The following PLAT variants were observed in gnomAD, a reference collection of about 807,000 sequenced individuals.
PLAT encodes tissue-type plasminogen activator.
A neutral mutation model predicts 74.9 loss-of-function variants in PLAT; 48 were observed. The observed-to-expected ratio is 0.64, with a 90% CI of 0.51 to 0.82. The LOEUF (loss-of-function observed/expected upper bound fraction) is 0.82. PLAT is among the 40% of genes least tolerant of loss of function. The pLI is 0.00. For synonymous variants in PLAT, 307 were observed against 294.4 expected (o/e 1.04, Z -0.44); for missense variants, 673 against 736.2 (o/e 0.91, Z 0.99).
chr8:42,199,084 A>G (rs1806029046), intron 1 of PLAT, among the ~76,000 whole-genome samples: 1 of 152,242 alleles, frequency 6.6e-6, no homozygotes. Context: ...GGTAGCTCTC[A>G]TCCCACTTCT....
intron 13 of PLAT, 120 bp from the exon 14 acceptor site, chr8:42,176,271 A>C: frequency 3.0e-6 from 2 of 664,920 alleles, no homozygotes; most frequent in Non-Finnish European, 5.1e-6. Flanking sequence ...ATAATATTCC[A>C]TTCAGTGTCA....
chr8:42,178,906 G>A lies in PLAT; in HGVS notation c.1521C>T (p.Asp507=), dbSNP rs746292560. ...RSGGPQANLH[D]ACQGDSGGPL... is the part of the protein sequence containing the mutation. ...CGCCACTCCTGGTTACCTGGCAGGC[G>A]TCGTGCAAGTTTGCCTGGGGCCCGC... Residue 507 remains aspartate, a synonymous_variant, in exon 13 of 14, where the codon GAC becomes GAT. Transcript: ENST00000220809. 28 of 1,613,104 alleles carry A rather than the reference G, an allele frequency of 1.7e-5. No individual in the cohort carries two copies. Among genetic ancestry groups the A allele is most frequent in the Non-Finnish European group, 2.1e-5 (25 of 1,179,940 alleles).
intron 4 of PLAT, among the ~76,000 whole-genome samples, chr8:42,188,652 G>T (rs1358598307): frequency 1.3e-5 from 2 of 152,154 alleles, no homozygotes; most frequent in Non-Finnish European, 2.9e-5. Flanking sequence ...TTGTTTTAGA[G>T]GTGAGGGCTT....
Position 42,185,096 on chromosome 8 carries a change from G to A in PLAT, c.616C>T (p.Pro206Ser). 8.7e-6 allele frequency: 14 copies of A among 1,608,504 alleles called. No individual in the cohort carries two copies. The highest frequency in any genetic ancestry group is 1.2e-5 in the Non-Finnish European group (14 of 1,177,258). Residue 206 changes from proline to serine, a missense_variant, in exon 7 of 14, where the codon CCT becomes TCT. Physicochemically the swap from Pro to Ser is moderately conservative, Grantham distance 74. Transcript: ENST00000220809. ...GKYSSEFCST[P>S]ACSEGNSDCY... is the part of the protein sequence containing the mutation. ...TGCCACTTACCCTCAGAGCAGGCAGGGGTGCTGCAGAACTCTGAGCTGTAC... is the reference window on the plus strand; with the variant it reads ...TGCCACTTACCCTCAGAGCAGGCAGAGGTGCTGCAGAACTCTGAGCTGTAC...
chr8:42,174,890 ACACCTGTCCACAGTCCACGT>A lies in PLAT; in HGVS notation c.*1083_*1102del, dbSNP rs1345758651. Among the ~76,000 whole-genome samples, 2 of 151,720 alleles carry A rather than the reference ACACCTGTCCACAGTCCACGT, an allele frequency of 1.3e-5. No individual in the cohort carries two copies. The highest frequency in any genetic ancestry group is 2.9e-5 in the Non-Finnish European group (2 of 67,946). Reference sequence around the variant, plus strand: ...TACCTCCATGGAGAGTGCCTTTTCCACACCTGTCCACAGTCCACGTCTCACCCAGTTATTTTTTCCTTAAG... The same window carrying A: ...TACCTCCATGGAGAGTGCCTTTTCCACTCACCCAGTTATTTTTTCCTTAAG... On this transcript the variant is annotated 3_prime_UTR_variant, in exon 14 of 14. Coordinates refer to ENST00000220809, the MANE Select transcript of PLAT (RefSeq NM_000930.5).
At position 42,185,146 on chromosome 8, in the gene PLAT, C is replaced by G; in HGVS notation, c.566G>C (p.Trp189Ser). The G allele has an allele frequency of 6.2e-7, 1 of 1,612,414 alleles. No individual in the cohort carries two copies. Among genetic ancestry groups the G allele is most frequent in the Non-Finnish European group, 8.5e-7 (1 of 1,179,254 alleles). The part of the protein sequence containing the change: ...CRNPDRDSKP[W>S]CYVFKAGKYS... ...CTTCCCCGCCTTAAAGACGTAGCAC[C>G]AGGGCTTTGAGTCTCGATCTGGGTT... Residue 189 changes from tryptophan (W) to serine (S), a missense_variant, in exon 7 of 14, where the codon TGG (tryptophan) becomes TCG (serine). Physicochemically the swap from Trp to Ser is radical, Grantham distance 177 (BLOSUM62 -3). Transcript: ENST00000220809.
At chr8:42,178,549 C>T (rs1038877768) in intron 13 of PLAT, among the ~76,000 whole-genome samples, 2 of 152,192 alleles carry the variant, frequency 1.3e-5, no homozygotes, top group East Asian at 1.9e-4. Context: ...GGATTACAGG[C>T]GTGAACCACC....
Position 42,178,796 on chromosome 8 carries a change from C to G in PLAT, c.1530+101G>C, listed in dbSNP as rs112127413. ...CAGGGGTATCACTAAGAGGAAATCA[C>G]TCCACTCTGGTGATAACTTTTTTCT... is the stretch of plus-strand genomic sequence containing the variant. On this transcript the variant is annotated intron_variant, in intron 13 of 13. Transcript: ENST00000220809. The G allele has an allele frequency of 3.6e-5, 41 of 1,139,300 alleles. 2 individuals are homozygous for G. Among genetic ancestry groups the G allele is most frequent in the African/African-American group, 3.4e-4 (22 of 64,860 alleles). 70.6% of individuals were successfully genotyped at this position (1,139,300 alleles called of 1,614,324 possible). A position where few individuals can be genotyped will look rare whatever the true frequency, so the allele number is the denominator to read the frequency against.
chr8:42,203,988 T>A (rs867703528), intron 1 of PLAT, among the ~76,000 whole-genome samples: 1 of 123,262 alleles, frequency 8.1e-6, no homozygotes, highest in Non-Finnish European at 1.5e-5. Context: ...TATATATATA[T>A]ATATACACAC....
Position 42,175,941 on chromosome 8 carries a change from G to A in PLAT, c.*52C>T. 6.3e-7 allele frequency: 1 copy of A among 1,583,952 alleles called. No homozygotes were observed. Among genetic ancestry groups the A allele is most frequent in the Non-Finnish European group, 8.7e-7 (1 of 1,155,350 alleles). On this transcript the variant is annotated 3_prime_UTR_variant, in exon 14 of 14. Transcript: ENST00000220809. ...GCACTGCGCCTTTGCAGTGTCTTCT[G>A]AAGAAGAAGAGGCGGGATCTCATTT...
intron 8 of PLAT, chr8:42,182,243 T>G (rs918422778): frequency 2.2e-6 from 1 of 452,368 alleles, no homozygotes; most frequent in Admixed American, 3.4e-5. Context: ...TCACAGGCCA[T>G]GTAAGAGTAG....
chr8:42,200,116 T>C (rs191823784), intron 1 of PLAT, among the ~76,000 whole-genome samples: 11 of 152,350 alleles, frequency 7.2e-5, no homozygotes, highest in Non-Finnish European at 1.0e-4. Context: ...TGAATGCCAC[T>C]CACTCAACAG....
chr8:42,178,331 C>T (rs774981791), intron 13 of PLAT, among the ~76,000 whole-genome samples: 3 of 144,774 alleles, frequency 2.1e-5, no homozygotes. Flanking sequence ...AGCGCAATGG[C>T]GCGATCTCGG....
intron 2 of PLAT, among the ~76,000 whole-genome samples, chr8:42,192,129 G>A (rs760064098): frequency 1.3e-5 from 2 of 150,306 alleles, no homozygotes; most frequent in African/African-American, 4.9e-5. Flanking sequence ...TCAGCCTCCT[G>A]AGTAGCTGGG....
At chr8:42,187,042 TATC>T (rs1805502041) in intron 6 of PLAT, 1 of 185,422 alleles carries the variant, frequency 5.4e-6, no homozygotes, top group African/African-American at 2.3e-5. Context: ...TCTATCCATC[TATC>T]ATCTATCTAC....
chr8:42,201,822 T>C (rs1806142317), intron 1 of PLAT, among the ~76,000 whole-genome samples: 1 of 152,138 alleles, frequency 6.6e-6, no homozygotes, highest in African/African-American at 2.4e-5. Context: ...AGCCACACTA[T>C]GAAAGTCAGA....
At chr8:42,180,763 G>T in intron 9 of PLAT, 78 bp from the exon 10 acceptor site, 1 of 1,081,716 alleles carries the variant, frequency 9.2e-7, no homozygotes, top group Non-Finnish European at 1.3e-6. Flanking sequence ...GAGGCCATCA[G>T]CATGGCTGTA....
chr8:42,178,215 A>G (rs8178791), intron 13 of PLAT, among the ~76,000 whole-genome samples: 2,102 of 151,054 alleles, frequency 0.014, 52 homozygotes, highest in African/African-American at 0.049. Flanking sequence ...TTCTCCTTCT[A>G]CAAAGCAGAC....
intron 1 of PLAT, among the ~76,000 whole-genome samples, chr8:42,197,244 A>G (rs1197736654): frequency 6.6e-6 from 1 of 152,164 alleles, no homozygotes; most frequent in Non-Finnish European, 1.5e-5. Flanking sequence ...CAGCCAGCAT[A>G]TCTGTGCTCG....
Sources: allele counts gnomAD v4.1 joint callset (sites outside exome capture counted in the v4.1 genomes callset), GRCh38; gene constraint gnomAD v4.1.1; transcripts MANE v1.5; gene names NCBI Gene and HGNC (gene_info 2026-07-23, HGNC 2026-07-21).